Variants in CWC25 observed in about 807,000 individuals in gnomAD.
CWC25 encodes pre-mRNA-splicing factor CWC25 homolog.
In CWC25, 31 loss-of-function variants were observed where a neutral mutation model predicts 54.6. The ratio of observed to expected loss-of-function variants is 0.57; its 90% CI spans 0.43 to 0.77. CWC25 has a LOEUF of 0.77. Ranked by LOEUF, CWC25 falls within the 30% of genes least tolerant of loss-of-function variation. CWC25 has a pLI of 0.00. For synonymous variants in CWC25, 151 were observed against 187.0 expected (o/e 0.81, Z 1.57); for missense variants, 453 against 529.3 (o/e 0.86, Z 1.41).
In CWC25 at chr17:38,815,040, A is replaced by G; in HGVS notation, c.249T>C (p.Arg83=). 1 of 1,613,944 alleles carries G rather than the reference A, an allele frequency of 6.2e-7. No homozygotes were observed. The highest frequency in any genetic ancestry group is 8.5e-7 in the Non-Finnish European group (1 of 1,179,894). Residue 83 remains arginine, a synonymous_variant, in exon 3 of 10, where the codon CGT becomes CGC. Transcript: ENST00000614790. ...TGGGGCGCCCCAGCAGGTACTCGTC[A>G]CGGTTCACCATCCCACCAGGACCCT... ...MYQGPGGMVN[R]DEYLLGRPID...
rs549642511 is a variant in CWC25, at chr17:38,811,919, G to A, written c.498+876C>T. ...CAATTACATAATATGTCATGTGAAT[G>A]GTAAGTGGGCCCTAGAAGCCTTATT... On this transcript the variant is annotated intron_variant, in intron 4 of 9. Transcript: ENST00000614790. Among the ~76,000 whole-genome samples, 18 of 151,924 alleles carry A rather than the reference G, an allele frequency of 1.2e-4. No individual in the cohort carries two copies. The South Asian group carries it at 3.3e-3, about 28-fold the overall frequency.
In CWC25 at chr17:38,810,557, CTTT is replaced by C; in HGVS notation, c.534_536del (p.Lys180del). 1 of 1,564,862 alleles carries C rather than the reference CTTT, an allele frequency of 6.4e-7. No homozygotes were observed. The highest frequency in any genetic ancestry group is 8.7e-7 in the Non-Finnish European group (1 of 1,148,216). On this transcript the variant is annotated inframe_deletion, in exon 5 of 10. Coordinates refer to ENST00000614790, the MANE Select transcript of CWC25 (RefSeq NM_017748.5). Reference sequence around the variant, plus strand: ...TCTTGTGCTTCTTTTTCTTCTCCTTCTTTTTCTTCTTCTCCTTTTTTTCCAGAC... The same window carrying C: ...TCTTGTGCTTCTTTTTCTTCTCCTTCTTCTTCTTCTCCTTTTTTTCCAGAC...
At chr17:38,812,949 A>T (rs1911550767) in intron 3 of CWC25, 85 bp from the exon 4 acceptor site, 1 of 754,750 alleles carries the variant, frequency 1.3e-6, no homozygotes, top group Admixed American at 2.2e-5. Flanking sequence ...ATATACAGAC[A>T]AACTGGCCCA....
chr17:38,800,686 G>A lies in CWC25; in HGVS notation c.*1406C>T, dbSNP rs1366666454. The A allele has an allele frequency of 6.6e-6, 1 of 152,240 alleles. No homozygotes were observed. The highest frequency in any genetic ancestry group is 1.5e-5 in the Non-Finnish European group (1 of 68,054). The allele number at this position is 152,240 out of a possible 1,614,324, so 9.4% of individuals were successfully genotyped here. ...CGCCCAGCTAATGTGCGGGTCAAGA[G>A]GGCCTAGGAGTTCACTGGTCAAATG... On this transcript the variant is annotated 3_prime_UTR_variant, in exon 10 of 10. Coordinates refer to ENST00000614790, the MANE Select transcript of CWC25 (RefSeq NM_017748.5).
intron 8 of CWC25, among the ~76,000 whole-genome samples, chr17:38,805,949 A>T (rs1911218670): frequency 6.6e-6 from 1 of 152,058 alleles, no homozygotes; most frequent in Non-Finnish European, 1.5e-5. Flanking sequence ...AATAACTGGG[A>T]TTACAGGCAT....
In CWC25 at chr17:38,814,886, G is replaced by C. The variant is rs367659955; in HGVS notation, c.403C>G (p.Arg135Gly). ...CTGATGATGAAGAGTGGGTCCTCCC[G>C]GATCTTGCTGGCCATGTCAAGAAGG... ...NSLLDMASKI[R>G]EDPLFIIRKK... is the part of the protein sequence containing the mutation. Residue 135 changes from arginine to glycine, a missense_variant, in exon 3 of 10, where the codon CGG becomes GGG. Physicochemically the swap from Arg to Gly is moderately radical, Grantham distance 125. Coordinates refer to ENST00000614790, the MANE Select transcript of CWC25 (RefSeq NM_017748.5). The C allele has an allele frequency of 1.2e-6, 2 of 1,613,006 alleles. No individual in the cohort carries two copies. The highest frequency in any genetic ancestry group is 1.7e-6 in the Non-Finnish European group (2 of 1,179,790).
At position 38,820,915 on chromosome 17, in the gene CWC25, A is replaced by C; in HGVS notation, c.177T>G (p.Asp59Glu). ...TCCTCACTTACTTGACGGCCCCAAC[A>C]TCCTCCGCATAGCGCTGCATCTCTT... ...AREEMQRYAE[D>E]VGAVKKKEEK... is the part of the protein sequence containing the mutation. The change falls in exon 2 of 10, where the codon GAT becomes GAG. Residue 59 changes from aspartate to glutamate, a missense_variant. Coordinates refer to ENST00000614790, the MANE Select transcript of CWC25 (RefSeq NM_017748.5). The C allele has an allele frequency of 6.2e-7, 1 of 1,611,514 alleles. No individual in the cohort carries two copies. Among genetic ancestry groups the C allele is most frequent in the East Asian group, 2.2e-5 (1 of 44,854 alleles).
intron 7 of CWC25, 163 bp from the exon 8 acceptor site, chr17:38,806,558 C>A: frequency 1.3e-6 from 1 of 755,372 alleles, no homozygotes; most frequent in Non-Finnish European, 2.1e-6. Flanking sequence ...CCCAGAGCTC[C>A]CAAAGCACAG....
chr17:38,806,927 TCTG>T lies in CWC25; in HGVS notation c.737_739del (p.Ala246del). 1 of 1,613,942 alleles carries T rather than the reference TCTG, an allele frequency of 6.2e-7. No homozygotes were observed. Among genetic ancestry groups the T allele is most frequent in the Non-Finnish European group, 8.5e-7 (1 of 1,179,884 alleles). ...CTTCATCCCATGCCCTCTCTTTTGCTCTGCTGTCAGAGGACCCTGAAGACCCTG... is the reference window on the plus strand; with the variant it reads ...CTTCATCCCATGCCCTCTCTTTTGCTCTGTCAGAGGACCCTGAAGACCCTG... On this transcript the variant is annotated inframe_deletion, in exon 7 of 10. Coordinates refer to ENST00000614790, the MANE Select transcript of CWC25 (RefSeq NM_017748.5).
At chr17:38,803,416 C>T (rs1227118281) in intron 8 of CWC25, among the ~76,000 whole-genome samples, 3 of 150,666 alleles carry the variant, frequency 2.0e-5, no homozygotes, top group Admixed American at 6.6e-5. Context: ...GATCACCTGA[C>T]GTCAGGAGTT....
chr17:38,824,565 A>G (rs1912064015), intron 1 of CWC25, among the ~76,000 whole-genome samples: 1 of 152,194 alleles, frequency 6.6e-6, no homozygotes, highest in African/African-American at 2.4e-5. Flanking sequence ...GCATGCCTGT[A>G]ATCCCAGCTA....
chr17:38,817,965 CA>C (rs942717417), intron 2 of CWC25, among the ~76,000 whole-genome samples: 1 of 150,916 alleles, frequency 6.6e-6, no homozygotes, highest in African/African-American at 2.4e-5. Context: ...GACTCTGACT[CA>C]AAAAATAATA....
chr17:38,820,102 C>T (rs1217611622), intron 2 of CWC25, among the ~76,000 whole-genome samples: 2 of 152,148 alleles, frequency 1.3e-5, no homozygotes, highest in African/African-American at 4.8e-5. Context: ...CACACTCAGC[C>T]TATATATTTT....
chr17:38,816,452 A>G (rs1016446833), intron 2 of CWC25, among the ~76,000 whole-genome samples: 4 of 151,828 alleles, frequency 2.6e-5, no homozygotes, highest in African/African-American at 7.3e-5. Context: ...GGGACTTGCT[A>G]TGTTGCCCAG....
intron 1 of CWC25, 131 bp downstream of exon 1, chr17:38,825,035 A>T (rs1598081245): frequency 1.2e-6 from 1 of 814,250 alleles, no homozygotes; most frequent in Non-Finnish European, 1.9e-6. Context: ...TCCCCTCTTC[A>T]GGGCAACGGC....
intron 6 of CWC25, 146 bp downstream of exon 6, chr17:38,809,556 C>G: frequency 1.6e-6 from 1 of 630,860 alleles, no homozygotes; most frequent in Non-Finnish European, 2.8e-6. Flanking sequence ...AGAGGGTCAT[C>G]AGCCACAAGA....
At chr17:38,810,954 G>C (rs904283405) in intron 4 of CWC25, among the ~76,000 whole-genome samples, 1 of 147,978 alleles carries the variant, frequency 6.8e-6, no homozygotes, top group African/African-American at 2.5e-5. Context: ...TTACTGGCTG[G>C]GCATGGTGGC....
Position 38,807,092 on chromosome 17 carries a change from C to CG in CWC25, c.691-117dup, listed in dbSNP as rs538522277. On this transcript the variant is annotated intron_variant, in intron 6 of 9. Coordinates refer to ENST00000614790, the MANE Select transcript of CWC25 (RefSeq NM_017748.5). ...ATCCCAGCACTTTGGGAGGCCGAGG[C>CG]GGGGGGGATCACCTGAGGTCAGGAG... 411 of 693,218 alleles carry CG rather than the reference C, an allele frequency of 5.9e-4. 1 individual carries two copies. The highest frequency in any genetic ancestry group is 5.2e-3 in the African/African-American group (282 of 54,028). 42.9% of individuals were successfully genotyped at this position (693,218 alleles called of 1,614,324 possible).
chr17:38,812,675 A>C, intron 4 of CWC25, 120 bp downstream of exon 4: 1 of 606,600 alleles, frequency 1.6e-6, no homozygotes, highest in Non-Finnish European at 2.9e-6. Context: ...TGGTCTCTAA[A>C]AGACAAAAGT....
Sources: allele counts gnomAD v4.1 joint callset (sites outside exome capture counted in the v4.1 genomes callset), GRCh38; gene constraint gnomAD v4.1.1; transcripts MANE v1.5; gene names NCBI Gene and HGNC (gene_info 2026-07-23, HGNC 2026-07-21).